MEF2C: variants seen among roughly 807,000 people sequenced by gnomAD.
MEF2C encodes myocyte-specific enhancer factor 2C.
MEF2C carries 6 observed loss-of-function variants against 50.5 expected under a neutral mutation model. The observed-to-expected ratio is 0.12, with a 90% CI of 0.07 to 0.23. MEF2C has a LOEUF of 0.23. Among genes scored for constraint, MEF2C ranks in the 10% least tolerant of loss-of-function variants. MEF2C has a pLI of 1.00. For missense variants in MEF2C, 276 were observed against 605.0 expected (o/e 0.46, Z 5.70); for synonymous variants, 183 against 228.0 (o/e 0.80, Z 1.78).
chr5:88,877,812 T>G (rs904536653), intron 1 of MEF2C: 1 of 152,042 alleles, frequency 6.6e-6, no homozygotes, highest in Non-Finnish European at 1.5e-5. Flanking sequence ...AGACTTTTTT[T>G]CAGTATTCAG....
chr5:88,737,123 T>A, intron 6 of MEF2C: 1 of 985,334 alleles, frequency 1.0e-6, no homozygotes, highest in Non-Finnish European at 1.2e-6. Context: ...AAAAGGTAAG[T>A]TATTGAGGGA....
intron 1 of MEF2C, among the ~76,000 whole-genome samples, chr5:88,895,414 C>T (rs1437218191): frequency 7.2e-5 from 11 of 152,136 alleles, no homozygotes; most frequent in Admixed American, 4.6e-4. Context: ...AAAGTAATGA[C>T]ATACCCATTT....
chr5:88,889,258 T>C (rs1834276685), intron 1 of MEF2C: 1 of 152,338 alleles, frequency 6.6e-6, no homozygotes, highest in Non-Finnish European at 1.5e-5. Context: ...GAAAAGTGAA[T>C]CCGCTCTGGC....
intron 6 of MEF2C, chr5:88,734,036 A>C (rs1223977601): frequency 1.0e-6 from 1 of 985,190 alleles, no homozygotes; most frequent in Non-Finnish European, 1.2e-6. Context: ...GAAGAAAAAA[A>C]CAAACAAAAG....
At chr5:88,778,723 A>G (rs563357323) in intron 3 of MEF2C, among the ~76,000 whole-genome samples, 1 of 152,226 alleles carries the variant, frequency 6.6e-6, no homozygotes. Context: ...TAAATGACTT[A>G]AACTTCCCAA....
chr5:88,728,019 A>T (rs1043365933), intron 10 of MEF2C, among the ~76,000 whole-genome samples: 14 of 152,032 alleles, frequency 9.2e-5, no homozygotes, highest in South Asian at 2.1e-4. Context: ...TTCTTAAAAT[A>T]TCTATAAGTA....
At chr5:88,730,540 G>C (rs1200555164) in intron 7 of MEF2C, among the ~76,000 whole-genome samples, 1 of 152,142 alleles carries the variant, frequency 6.6e-6, no homozygotes, top group African/African-American at 2.4e-5. Context: ...CTTGCTGGAG[G>C]AAGGGGAGCT....
chr5:88,835,449 G>T (rs560811104), intron 1 of MEF2C, among the ~76,000 whole-genome samples: 1 of 152,118 alleles, frequency 6.6e-6, no homozygotes, highest in South Asian at 2.1e-4. Flanking sequence ...AAGCCCAACA[G>T]ATTAATTTCC....
intron 10 of MEF2C, among the ~76,000 whole-genome samples, chr5:88,725,035 C>T (rs549935914): frequency 1.3e-5 from 2 of 152,154 alleles, no homozygotes; most frequent in African/African-American, 2.4e-5. Context: ...GTTGGACAGT[C>T]TAAGCAGTTA....
intron 2 of MEF2C, among the ~76,000 whole-genome samples, chr5:88,810,442 A>C (rs1213013448): frequency 6.6e-6 from 1 of 152,142 alleles, no homozygotes; most frequent in Non-Finnish European, 1.5e-5. Context: ...GATGAAAGAT[A>C]AAAAAGTCTG....
At chr5:88,844,846 T>C (rs1390620578) in intron 1 of MEF2C, among the ~76,000 whole-genome samples, 3 of 152,222 alleles carry the variant, frequency 2.0e-5, no homozygotes, top group Non-Finnish European at 4.4e-5. Context: ...ACTCTGACTA[T>C]ATAGATTAAC....
At chr5:88,842,478 T>C (rs560250151) in intron 1 of MEF2C, among the ~76,000 whole-genome samples, 1 of 151,696 alleles carries the variant, frequency 6.6e-6, no homozygotes, top group Non-Finnish European at 1.5e-5. Context: ...AATCAATGAC[T>C]CTCTAACATA....
intron 3 of MEF2C, among the ~76,000 whole-genome samples, chr5:88,790,893 CA>C (rs1411254501): frequency 6.6e-6 from 1 of 152,008 alleles, no homozygotes; most frequent in Non-Finnish European, 1.5e-5. Flanking sequence ...TTAGACAAAA[CA>C]AAAACAAACC....
intron 1 of MEF2C, among the ~76,000 whole-genome samples, chr5:88,844,219 T>G (rs576026903): frequency 6.6e-6 from 1 of 152,326 alleles, no homozygotes; most frequent in South Asian, 2.1e-4. Flanking sequence ...ATTCGTAATC[T>G]CATGATTATA....
intron 6 of MEF2C, chr5:88,737,272 A>C (rs1764515177): frequency 5.1e-6 from 5 of 985,410 alleles, no homozygotes; most frequent in Non-Finnish European, 6.0e-6. Context: ...CTATTGAGAC[A>C]AACTGCTTAT....
At chr5:88,853,202 C>A (rs189800841) in intron 1 of MEF2C, among the ~76,000 whole-genome samples, 18 of 152,076 alleles carry the variant, frequency 1.2e-4, no homozygotes, top group African/African-American at 3.9e-4. Flanking sequence ...CCAGCCTGAG[C>A]GATGGTGAGA....
At chr5:88,795,235 A>C (rs1331957423) in intron 3 of MEF2C, among the ~76,000 whole-genome samples, 1 of 152,182 alleles carries the variant, frequency 6.6e-6, no homozygotes, top group Non-Finnish European at 1.5e-5. Context: ...TACTTTGGGC[A>C]GTATGGCCAT....
At chr5:88,776,221 T>A (rs527450850) in intron 3 of MEF2C, among the ~76,000 whole-genome samples, 2 of 152,310 alleles carry the variant, frequency 1.3e-5, no homozygotes, top group South Asian at 4.1e-4. Flanking sequence ...AATATTATTT[T>A]AAATTGACAA....
chr5:88,738,619 C>G, intron 6 of MEF2C: 1 of 985,132 alleles, frequency 1.0e-6, no homozygotes, highest in Non-Finnish European at 1.2e-6. Flanking sequence ...CCTTCAGAAC[C>G]AGTCATGCTC....
Sources: gnomAD v4.1 joint callset for allele counts (sites outside exome capture counted in the v4.1 genomes callset) on GRCh38, gnomAD v4.1.1 for gene constraint, MANE v1.5 for transcripts, NCBI Gene and HGNC (gene_info 2026-07-23, HGNC 2026-07-21) for gene names.